The following SPAST variants were observed in gnomAD, a reference collection of about 807,000 sequenced individuals.
The protein encoded by SPAST is spastic paraplegia 4 (autosomal dominant; spastin).
A neutral mutation model predicts 76.6 loss-of-function variants in SPAST; 30 were observed. The ratio of observed to expected loss-of-function variants is 0.39; its 90% CI spans 0.29 to 0.53. The LOEUF is 0.53. SPAST is among the 20% of genes least tolerant of loss of function. The probability of loss-of-function intolerance (pLI) is 0.68; values close to 1 mark genes in which losing one functional copy is unlikely to be tolerated. For missense variants in SPAST, 717 were observed against 770.5 expected (o/e 0.93, Z 0.82); for synonymous variants, 305 against 281.0 (o/e 1.09, Z -0.86).
At chr2:32,086,201 T>C (rs1677467313) in intron 1 of SPAST, among the ~76,000 whole-genome samples, 1 of 152,106 alleles carries the variant, frequency 6.6e-6, no homozygotes, top group Non-Finnish European at 1.5e-5. Context: ...CTCAGGCTTG[T>C]AATCCCAGCA....
In SPAST at chr2:32,082,212, C is replaced by T. The variant is rs567323111; in HGVS notation, c.416-5280C>T. Among the ~76,000 whole-genome samples the T allele has an allele frequency of 5.4e-5, 8 of 148,994 alleles. No homozygotes were observed. In the South Asian group the frequency reaches 1.1e-3, roughly 21 times the overall value. ...TTCATCATGTTGGCCAGGCTGGTCTCGAACTCCTGACCCCAGGTGATCCGC... is the reference window on the plus strand; with the variant it reads ...TTCATCATGTTGGCCAGGCTGGTCTTGAACTCCTGACCCCAGGTGATCCGC... On this transcript the variant is annotated intron_variant, in intron 1 of 16. Transcript: ENST00000315285.
intron 3 of SPAST, among the ~76,000 whole-genome samples, chr2:32,091,009 CTTTTACTTGTCTTCTG>C: frequency 6.6e-6 from 1 of 151,976 alleles, no homozygotes. Context: ...GTAATAGAAA[CTTTTACTTGTCTTCTG>C]TTTGATGGCG....
intron 16 of SPAST, among the ~76,000 whole-genome samples, chr2:32,149,813 G>A (rs1030226284): frequency 1.3e-5 from 2 of 152,120 alleles, no homozygotes; most frequent in Non-Finnish European, 2.9e-5. Context: ...GACTTTAAGC[G>A]TTTGCGGATT....
chr2:32,105,834 A>G (rs1678299547), intron 4 of SPAST, among the ~76,000 whole-genome samples: 1 of 152,132 alleles, frequency 6.6e-6, no homozygotes, highest in Admixed American at 6.6e-5. Flanking sequence ...TTCGTCTGAC[A>G]GGGGTACCCA....
chr2:32,128,460 C>G lies in SPAST; in HGVS notation c.1226C>G (p.Ala409Gly). ...GCAACCTTCTTTAATATAAGTGCTG[C>G]AAGTTTAACTTCAAAATACGTGAGT... is the stretch of plus-strand genomic sequence containing the variant. ...SNATFFNISA[A>G]SLTSKYVGEG... Residue 409 changes from alanine (A) to glycine (G), a missense_variant, in exon 9 of 17, where the codon GCA (alanine) becomes GGA (glycine). This residue lies in a region of SPAST where 78 missense variants were observed against 197.6 expected (regional missense o/e 0.39). Coordinates refer to ENST00000315285, the MANE Select transcript of SPAST (RefSeq NM_014946.4). 1 of 1,610,108 alleles carries G rather than the reference C, an allele frequency of 6.2e-7. No homozygotes were observed. Among genetic ancestry groups the G allele is most frequent in the Non-Finnish European group, 8.5e-7 (1 of 1,176,508 alleles).
chr2:32,086,476 A>AT (rs1677479966), intron 1 of SPAST, among the ~76,000 whole-genome samples: 1 of 151,494 alleles, frequency 6.6e-6, no homozygotes, highest in Non-Finnish European at 1.5e-5. Context: ...AAAAAAAAAA[A>AT]ATGAGGCCGG....
chr2:32,102,831 C>T (rs548805415), intron 4 of SPAST, among the ~76,000 whole-genome samples: 25 of 151,834 alleles, frequency 1.6e-4, no homozygotes, highest in Admixed American at 4.6e-4. Context: ...AACTTGATTG[C>T]GTTGGATAAG....
chr2:32,063,653 T>A lies in SPAST; in HGVS notation c.-179T>A. ...GCAGGAGGAGAAGGGGTTGTGCTCCTGGCCGAGGAAGGAGAAAGGGGCGGG... is the reference window on the plus strand; with the variant it reads ...GCAGGAGGAGAAGGGGTTGTGCTCCAGGCCGAGGAAGGAGAAAGGGGCGGG... On this transcript the variant is annotated 5_prime_UTR_variant, in exon 1 of 17. Transcript: ENST00000315285. 2 of 766,782 alleles carry A rather than the reference T, an allele frequency of 2.6e-6. No homozygotes were observed. Among genetic ancestry groups the A allele is most frequent in the Non-Finnish European group, 2.0e-6 (1 of 494,584 alleles). The allele number at this position is 766,782 out of a possible 1,614,324, so 47.5% of individuals were successfully genotyped here. A position where few individuals can be genotyped will look rare whatever the true frequency, so the allele number is the denominator to read the frequency against.
chr2:32,087,452 C>G, intron 1 of SPAST, 40 bp from the exon 2 acceptor site: 2 of 1,253,910 alleles, frequency 1.6e-6, no homozygotes, highest in Non-Finnish European at 2.3e-6. Context: ...ATTTAGTGTA[C>G]TCTTCATACG....
chr2:32,112,247 C>T (rs1678643655), intron 4 of SPAST, among the ~76,000 whole-genome samples: 1 of 151,602 alleles, frequency 6.6e-6, no homozygotes, highest in African/African-American at 2.4e-5. Context: ...ACCACTGCGT[C>T]TGGCCTTAAG....
intron 4 of SPAST, among the ~76,000 whole-genome samples, chr2:32,109,195 G>A (rs1255324494): frequency 6.6e-6 from 1 of 152,074 alleles, no homozygotes; most frequent in African/African-American, 2.4e-5. Flanking sequence ...TGCAACCTCT[G>A]CCTCCTGGGT....
At chr2:32,089,796 C>T (rs1367860331) in intron 3 of SPAST, among the ~76,000 whole-genome samples, 191 bp downstream of exon 3, 1 of 151,838 alleles carries the variant, frequency 6.6e-6, no homozygotes, top group African/African-American at 2.4e-5. Context: ...TGGACGCTTG[C>T]TCTGTCACCC....
In SPAST at chr2:32,144,990, C is replaced by T. The variant is rs1057518873; in HGVS notation, c.1670C>T (p.Ala557Val). The T allele has an allele frequency of 6.2e-7, 1 of 1,611,716 alleles. No homozygotes were observed. The highest frequency in any genetic ancestry group is 8.5e-7 in the Non-Finnish European group (1 of 1,178,262). The stretch of plus-strand genomic sequence containing the variant: ...CTAACAGCTTTGGCAAAAGATGCAG[C>T]ACTGGGTCCTATCCGAGGTAGGTAT... ...SDLTALAKDA[A>V]LGPIRELKPE... is the part of the protein sequence containing the mutation. Residue 557 changes from alanine to valine, a missense_variant, in exon 15 of 17, where the codon GCA becomes GTA. By Grantham distance (64) the Ala-to-Val change is moderately conservative (BLOSUM62 0). This residue lies in a region of SPAST where 96 missense variants were observed against 127.6 expected (regional missense o/e 0.75). Coordinates refer to ENST00000315285, the MANE Select transcript of SPAST (RefSeq NM_014946.4).
In SPAST at chr2:32,150,951, C is replaced by CTTTTTTT. The variant is rs113065520; in HGVS notation, c.1729-3419_1729-3413dup. 6.3e-5 allele frequency among the ~76,000 whole-genome samples: 9 copies of CTTTTTTT among 143,390 alleles called. 2 individuals are homozygous for CTTTTTTT. The highest frequency in any genetic ancestry group is 1.4e-4 in the Admixed American group (2 of 14,200). The allele number at this position is 143,390 out of a possible 152,430, so 94.1% of individuals were successfully genotyped here. A position where few individuals can be genotyped will look rare whatever the true frequency, so the allele number is the denominator to read the frequency against. The stretch of plus-strand genomic sequence containing the variant: ...TTACAATATTTGGTTCTACTGTATA[C>CTTTTTTT]TTTTTTTTTTGAGACTGAGTTTCGC... On this transcript the variant is annotated intron_variant, in intron 16 of 16. Coordinates refer to ENST00000315285, the MANE Select transcript of SPAST (RefSeq NM_014946.4).
intron 16 of SPAST, among the ~76,000 whole-genome samples, chr2:32,151,144 T>C (rs1680072137): frequency 6.6e-6 from 1 of 152,072 alleles, no homozygotes; most frequent in South Asian, 2.1e-4. Flanking sequence ...GGTTTCACTA[T>C]GTTGGTCAGG....
Position 32,155,254 on chromosome 2 carries a change from C to G in SPAST, c.*758C>G, listed in dbSNP as rs934967336. On this transcript the variant is annotated 3_prime_UTR_variant, in exon 17 of 17. Transcript: ENST00000315285. ...ACATGTAGATCAGTCTTCATGTGAC[C>G]TGCAGTATTTTTTTTTCTAATGTAT... 1 of 152,418 alleles carries G rather than the reference C, an allele frequency of 6.6e-6. No homozygotes were observed. Among genetic ancestry groups the G allele is most frequent in the African/African-American group, 2.4e-5 (1 of 41,404 alleles). The allele number at this position is 152,418 out of a possible 1,614,324, so 9.4% of individuals were successfully genotyped here.
rs568930147 is a variant in SPAST, at chr2:32,092,988, C to T, written c.586+3383C>T. 3.0e-5 allele frequency among the ~76,000 whole-genome samples: 4 copies of T among 132,220 alleles called. No individual in the cohort carries two copies. In the East Asian group the frequency reaches 1.0e-3, roughly 34 times the overall value. 86.7% of individuals were successfully genotyped at this position (132,220 alleles called of 152,430 possible). ...CACCACTGCACTCCAGACTGGGTGA[C>T]AGAGAGAGACTCCGTCTCAAAAAAA... is the stretch of plus-strand genomic sequence containing the variant. On this transcript the variant is annotated intron_variant, in intron 3 of 16. Transcript: ENST00000315285.
At chr2:32,138,281 A>G (rs972551917) in intron 12 of SPAST, among the ~76,000 whole-genome samples, 3 of 152,180 alleles carry the variant, frequency 2.0e-5, no homozygotes, top group Non-Finnish European at 4.4e-5. Context: ...CCAGCAGTAC[A>G]TACGCTCCAC....
chr2:32,093,183 C>T (rs900314179), intron 3 of SPAST, among the ~76,000 whole-genome samples: 20 of 151,018 alleles, frequency 1.3e-4, no homozygotes, highest in Admixed American at 4.0e-4. Flanking sequence ...TAGTGGCGGG[C>T]GCCTGTAGTC....
Sources: gnomAD v4.1 joint callset for allele counts (sites outside exome capture counted in the v4.1 genomes callset) on GRCh38, gnomAD v4.1.1 for gene constraint, gnomAD v4.1.1 regional missense constraint, MANE v1.5 for transcripts, NCBI Gene and HGNC (gene_info 2026-07-23, HGNC 2026-07-21) for gene names.